POU2AF2: variants seen among roughly 807,000 people sequenced by gnomAD.
The protein encoded by POU2AF2 is POU class 2 homeobox associating factor 2.
the POU2AF2 span, among the ~76,000 whole-genome samples, chr11:111,282,166 C>A: frequency 6.6e-6 from 1 of 152,004 alleles, no homozygotes; most frequent in Non-Finnish European, 1.5e-5. Context: ...TCTCTTTGTA[C>A]AGAGAAAATC....
the POU2AF2 span, among the ~76,000 whole-genome samples, chr11:111,257,843 C>A: frequency 1.6e-4 from 24 of 152,168 alleles, no homozygotes; most frequent in Admixed American, 1.3e-4. Context: ...TACAGCAGGG[C>A]ACAGTATCTC....
chr11:111,250,530 G>C, the POU2AF2 span, among the ~76,000 whole-genome samples: 2 of 152,162 alleles, frequency 1.3e-5, no homozygotes, highest in Admixed American at 1.3e-4. Flanking sequence ...CTAGCACTTG[G>C]GATGCATGCA....
chr11:111,280,051 A>ATATATATAT, the POU2AF2 span, among the ~76,000 whole-genome samples: 10 of 63,950 alleles, frequency 1.6e-4, no homozygotes, highest in South Asian at 2.1e-3. Flanking sequence ...AAAAAAAAAA[A>ATATATATAT]AAAAAAATAT....
At chr11:111,276,456 ATATAT>A in the POU2AF2 span, among the ~76,000 whole-genome samples, 73 of 36,566 alleles carry the variant, frequency 2.0e-3, no homozygotes, top group African/African-American at 4.0e-3. Context: ...AAAAAAAAAT[ATATAT>A]ATATATATAT....
chr11:111,284,247 TC>T, the POU2AF2 span: 1 of 1,613,926 alleles, frequency 6.2e-7, no homozygotes, highest in Non-Finnish European at 8.5e-7. Context: ...GAGCCCTACT[TC>T]CCCCAGGAGC....
chr11:111,280,364 C>G, the POU2AF2 span, among the ~76,000 whole-genome samples: 36 of 152,190 alleles, frequency 2.4e-4, no homozygotes, highest in South Asian at 2.3e-3. Flanking sequence ...ATACAGTAGG[C>G]GCCCCTTAGC....
At chr11:111,275,437 T>C in the POU2AF2 span, among the ~76,000 whole-genome samples, 1 of 152,184 alleles carries the variant, frequency 6.6e-6, no homozygotes, top group Non-Finnish European at 1.5e-5. Flanking sequence ...CAATTGGCTT[T>C]ACATGTGAAG....
the POU2AF2 span, among the ~76,000 whole-genome samples, chr11:111,275,710 C>T: frequency 6.6e-6 from 1 of 152,258 alleles, no homozygotes; most frequent in East Asian, 1.9e-4. Flanking sequence ...ATTCCCAGAA[C>T]TTTCATATAT....
the POU2AF2 span, among the ~76,000 whole-genome samples, chr11:111,247,584 G>A: frequency 2.0e-3 from 303 of 152,080 alleles, 1 homozygote; most frequent in Middle Eastern, 0.02. Flanking sequence ...TCAAGAGATC[G>A]AAACCATCCT....
At chr11:111,272,086 C>T in the POU2AF2 span, among the ~76,000 whole-genome samples, 3 of 152,212 alleles carry the variant, frequency 2.0e-5, no homozygotes, top group Non-Finnish European at 2.9e-5. Context: ...CTTGTCTTCA[C>T]ACTTCCTGCC....
the POU2AF2 span, among the ~76,000 whole-genome samples, chr11:111,275,643 C>T: frequency 2.0e-5 from 3 of 152,040 alleles, no homozygotes; most frequent in African/African-American, 4.8e-5. Context: ...ATCACCCATG[C>T]GTAAGAAAAC....
the POU2AF2 span, among the ~76,000 whole-genome samples, chr11:111,266,377 C>T: frequency 6.6e-6 from 1 of 152,118 alleles, no homozygotes; most frequent in African/African-American, 2.4e-5. Context: ...CTACCCCCAA[C>T]ATCCAAGGCC....
At chr11:111,272,340 A>T in the POU2AF2 span, among the ~76,000 whole-genome samples, 1 of 152,180 alleles carries the variant, frequency 6.6e-6, no homozygotes. Flanking sequence ...AATTCAGGCT[A>T]TGTCACTTAG....
the POU2AF2 span, chr11:111,286,213 G>C: frequency 1.4e-6 from 1 of 715,336 alleles, no homozygotes; most frequent in Non-Finnish European, 2.2e-6. Context: ...CCTCTCCACT[G>C]TAACCCCACT....
chr11:111,269,003 T>C, the POU2AF2 span, among the ~76,000 whole-genome samples: 1 of 152,186 alleles, frequency 6.6e-6, no homozygotes, highest in African/African-American at 2.4e-5. Flanking sequence ...ATCTTATTTA[T>C]CCTTGCTACT....
At chr11:111,258,658 A>G in the POU2AF2 span, among the ~76,000 whole-genome samples, 1 of 152,224 alleles carries the variant, frequency 6.6e-6, no homozygotes, top group African/African-American at 2.4e-5. Flanking sequence ...TGTAGACATA[A>G]TTAATTATAA....
the POU2AF2 span, among the ~76,000 whole-genome samples, chr11:111,258,747 G>A: frequency 1.3e-5 from 2 of 152,310 alleles, no homozygotes; most frequent in African/African-American, 4.8e-5. Context: ...TGGAGCCAAG[G>A]CATGGTCATT....
the POU2AF2 span, among the ~76,000 whole-genome samples, chr11:111,276,453 A>AAAATAT: frequency 1.1e-3 from 40 of 37,654 alleles, no homozygotes; most frequent in East Asian, 7.4e-3. Context: ...AAAAAAAAAA[A>AAAATAT]ATATATATAT....
the POU2AF2 span, chr11:111,285,869 T>G: frequency 6.2e-7 from 1 of 1,610,314 alleles, no homozygotes; most frequent in Non-Finnish European, 8.5e-7. Flanking sequence ...CACTCCGGGG[T>G]ACCCTACCCC....
Sources: gnomAD v4.1 joint callset for allele counts (sites outside exome capture counted in the v4.1 genomes callset) on GRCh38, gnomAD v4.1.1 for gene constraint, MANE v1.5 for transcripts, NCBI Gene and HGNC (gene_info 2026-07-23, HGNC 2026-07-21) for gene names.